KRTAP10-9: variants seen among roughly 807,000 people sequenced by gnomAD.
KRTAP10-9 encodes keratin-associated protein 10-9.
KRTAP10-9 carries 1 observed loss-of-function variant against 0.5 expected under a neutral mutation model. The observed-to-expected ratio is 1.92, with a 90% CI of 0.68 to 9.09. The LOEUF (loss-of-function observed/expected upper bound fraction) is 9.09. Among genes scored for constraint, KRTAP10-9 ranks in the 30% most tolerant of loss-of-function variants. The pLI is 0.13. For synonymous variants in KRTAP10-9, 199 were observed against 159.8 expected (o/e 1.25, Z -1.85); for missense variants, 391 against 376.4 (o/e 1.04, Z -0.32).
At chr21:44,627,590 G>GCTGTGTGCCCGTCTGCTGCAAAC (rs1982924601) in intron 1 of KRTAP10-9, 1 of 1,612,692 alleles carries the variant, frequency 6.2e-7, no homozygotes, top group Non-Finnish European at 8.5e-7. Context: ...CAGCCGGCCT[G>GCTGTGTGCCCGTCTGCTGCAAAC]CTGTGTGCCC....
chr21:44,628,323 AC>A lies in KRTAP10-9; in HGVS notation c.*278del. On this transcript the variant is annotated 3_prime_UTR_variant, in exon 1 of 1. Coordinates refer to ENST00000397911, the MANE Select transcript of KRTAP10-9 (RefSeq NM_198690.3). ...GACGGGCCCTCCTGACCCGGGTCTCACCCCCAGCAGCGTCACCCTCTGCCCC... is the reference window on the plus strand; with the variant it reads ...GACGGGCCCTCCTGACCCGGGTCTCACCCCAGCAGCGTCACCCTCTGCCCC... 2.7e-6 allele frequency: 1 copy of A among 367,926 alleles called. No individual in the cohort carries two copies. The highest frequency in any genetic ancestry group is 5.1e-6 in the Non-Finnish European group (1 of 195,188). 22.8% of individuals were successfully genotyped at this position (367,926 alleles called of 1,614,324 possible). A position where few individuals can be genotyped will look rare whatever the true frequency, so the allele number is the denominator to read the frequency against.
In KRTAP10-9 at chr21:44,627,497, G is replaced by C. The variant is rs781810515; in HGVS notation, c.326G>C (p.Cys109Ser). 2 of 1,538,938 alleles carry C rather than the reference G, an allele frequency of 1.3e-6. No individual in the cohort carries two copies. Among genetic ancestry groups the C allele is most frequent in the Non-Finnish European group, 1.8e-6 (2 of 1,141,870 alleles). ...GTGCCCGTCTGCTGCAAGCCTGTGT[G>C]CTGCGTGCCCGTCTGCTGTGGGGCT... ...CCVPVCCKPV[C>S]CVPVCCGASS... Residue 109 changes from cysteine (C) to serine (S), a missense_variant, in exon 1 of 1, where the codon TGC becomes TCC. By Grantham distance (112) the Cys-to-Ser change is moderately radical. Transcript: ENST00000397911.
Position 44,627,457 on chromosome 21 carries a change from C to G in KRTAP10-9, c.286C>G (p.Gln96Glu). Residue 96 changes from glutamine to glutamate, a missense_variant, in exon 1 of 1, where the codon CAG (glutamine) becomes GAG (glutamate). Physicochemically the swap from Gln to Glu is conservative, Grantham distance 29. Transcript: ENST00000397911. ...QPAYCTSSPC[Q>E]QACCVPVCCK... Reference sequence around the variant, plus strand: ...GGCTTACTGCACCTCCTCCCCCTGCCAGCAGGCCTGCTGCGTGCCCGTCTG... The same window carrying G: ...GGCTTACTGCACCTCCTCCCCCTGCGAGCAGGCCTGCTGCGTGCCCGTCTG... 1 of 1,608,658 alleles carries G rather than the reference C, an allele frequency of 6.2e-7. No individual in the cohort carries two copies. Among genetic ancestry groups the G allele is most frequent in the Non-Finnish European group, 8.5e-7 (1 of 1,177,186 alleles).
At position 44,627,369 on chromosome 21, in the gene KRTAP10-9, C is replaced by A. The variant is rs782794352; in HGVS notation, c.198C>A (p.Pro66=). Residue 66 remains proline (P), a synonymous_variant, in exon 1 of 1, where the codon CCC becomes CCA. Coordinates refer to ENST00000397911, the MANE Select transcript of KRTAP10-9 (RefSeq NM_198690.3). ...GCCAGGTGACCTGTGAGCCCAGCCC[C>A]TGCCAATCAGGCTGCACCAGCTCCT... The part of the protein sequence containing the change: ...PCCQVTCEPS[P]CQSGCTSSCT... 12 of 1,613,760 alleles carry A rather than the reference C, an allele frequency of 7.4e-6. No individual in the cohort carries two copies. The African/African-American group carries it at 1.5e-4, about 20-fold the overall frequency.
In KRTAP10-9 at chr21:44,627,788, C is replaced by T. The variant is rs782120545; in HGVS notation, c.617C>T (p.Ser206Phe). Residue 206 changes from serine to phenylalanine, a missense_variant, in exon 1 of 1, where the codon TCC (serine) becomes TTC (phenylalanine). By Grantham distance (155) the Ser-to-Phe change is radical. Transcript: ENST00000397911. ...TGTGTGCCTGTCTGCTCTGGGGCTT[C>T]CTCTTTGTGCTGCCAGCAGTCTGGC... ...ICCVPVCSGA[S>F]SLCCQQSGCQ... is the part of the protein sequence containing the mutation. 1 of 1,599,924 alleles carries T rather than the reference C, an allele frequency of 6.3e-7. No homozygotes were observed. Among genetic ancestry groups the T allele is most frequent in the Non-Finnish European group, 8.5e-7 (1 of 1,171,516 alleles).
chr21:44,628,180 G>C lies in KRTAP10-9; in HGVS notation c.*130G>C. ...GCCCCAGCCACAGCCGCCCAGCCCC[G>C]GGGTCTCAGATGCTCACTGGCTCCT... is the stretch of plus-strand genomic sequence containing the variant. On this transcript the variant is annotated 3_prime_UTR_variant, in exon 1 of 1. Coordinates refer to ENST00000397911, the MANE Select transcript of KRTAP10-9 (RefSeq NM_198690.3). 9 of 1,195,916 alleles carry C rather than the reference G, an allele frequency of 7.5e-6. No homozygotes were observed. The highest frequency in any genetic ancestry group is 1.1e-5 in the Non-Finnish European group (9 of 855,268). 74.1% of individuals were successfully genotyped at this position (1,195,916 alleles called of 1,614,324 possible).
chr21:44,627,696 C>G lies in KRTAP10-9; in HGVS notation c.525C>G (p.Ser175=). ...GCTGCCAGCCAGCTTGCTGCACTTCCTCCCCCTGCCAGCAGTCCTACTGTG... is the reference window on the plus strand; with the variant it reads ...GCTGCCAGCCAGCTTGCTGCACTTCGTCCCCCTGCCAGCAGTCCTACTGTG... ...QSSCQPACCT[S]SPCQQSYCVP... The change falls in exon 1 of 1, where the codon TCC becomes TCG. Residue 175 remains serine (S), a synonymous_variant. Transcript: ENST00000397911. 1 of 1,603,536 alleles carries G rather than the reference C, an allele frequency of 6.2e-7. No individual in the cohort carries two copies. Among genetic ancestry groups the G allele is most frequent in the African/African-American group, 1.3e-5 (1 of 74,678 alleles).
rs1214997764 is a variant in KRTAP10-9 at position 44,628,220 on chromosome 21, C to A, written c.*170C>A. The stretch of plus-strand genomic sequence containing the variant: ...CACTGGCTCCTCCCTGACCTCCCCC[C>A]CGGGCAGGCGAGCCCTGGCTTCTCC... On this transcript the variant is annotated 3_prime_UTR_variant, in exon 1 of 1. Coordinates refer to ENST00000397911, the MANE Select transcript of KRTAP10-9 (RefSeq NM_198690.3). 6.6e-6 allele frequency: 5 copies of A among 762,718 alleles called. No individual in the cohort carries two copies. The highest frequency in any genetic ancestry group is 3.0e-5 in the Admixed American group (1 of 33,092). The allele number at this position is 762,718 out of a possible 1,614,324, so 47.2% of individuals were successfully genotyped here. A position where few individuals can be genotyped will look rare whatever the true frequency, so the allele number is the denominator to read the frequency against.
chr21:44,627,369 C>G lies in KRTAP10-9; in HGVS notation c.198C>G (p.Pro66=), dbSNP rs782794352. 19 of 1,613,760 alleles carry G rather than the reference C, an allele frequency of 1.2e-5. No individual in the cohort carries two copies. In the Admixed American group the frequency reaches 1.3e-4, roughly 11 times the overall value. Residue 66 remains proline, a synonymous_variant, in exon 1 of 1, where the codon CCC becomes CCG. Coordinates refer to ENST00000397911, the MANE Select transcript of KRTAP10-9 (RefSeq NM_198690.3). ...GCCAGGTGACCTGTGAGCCCAGCCC[C>G]TGCCAATCAGGCTGCACCAGCTCCT... ...PCCQVTCEPS[P]CQSGCTSSCT...
Position 44,628,280 on chromosome 21 carries a change from C to T in KRTAP10-9, c.*230C>T, listed in dbSNP as rs181355860. 1.1e-5 allele frequency: 4 copies of T among 355,632 alleles called. No homozygotes were observed. The highest frequency in any genetic ancestry group is 6.5e-5 in the South Asian group (2 of 30,628). The allele number at this position is 355,632 out of a possible 1,614,324, so 22.0% of individuals were successfully genotyped here. A position where few individuals can be genotyped will look rare whatever the true frequency, so the allele number is the denominator to read the frequency against. On this transcript the variant is annotated 3_prime_UTR_variant, in exon 1 of 1. Transcript: ENST00000397911. ...TTCCTGGCTGCAGACCACAACCCTCCGCTGGTCGCTGGTTGGGGACGGGCC... is the reference window on the plus strand; with the variant it reads ...TTCCTGGCTGCAGACCACAACCCTCTGCTGGTCGCTGGTTGGGGACGGGCC...
Position 44,628,007 on chromosome 21 carries a change from C to A in KRTAP10-9, c.836C>A (p.Pro279Gln). ...CTCTGCCGCCCTGTGTGCTCCCGCCCGGCCTGCTACAGCTTCTCCTCAGGC... is the reference window on the plus strand; with the variant it reads ...CTCTGCCGCCCTGTGTGCTCCCGCCAGGCCTGCTACAGCTTCTCCTCAGGC... ...SLLCRPVCSRPACYSFSSGQK... is the reference protein window; with the variant it reads ...SLLCRPVCSRQACYSFSSGQK... The change falls in exon 1 of 1, where the codon CCG becomes CAG. Residue 279 changes from proline (P) to glutamine (Q), a missense_variant. Physicochemically the swap from Pro to Gln is moderately conservative, Grantham distance 76. Transcript: ENST00000397911. The A allele has an allele frequency of 6.2e-7, 1 of 1,611,172 alleles. No homozygotes were observed. The highest frequency in any genetic ancestry group is 8.5e-7 in the Non-Finnish European group (1 of 1,178,012).
rs450639 is a variant in KRTAP10-9 at position 44,628,348 on chromosome 21, C to T, written c.*298C>T. ...ACCCCCAGCAGCGTCACCCTCTGCC[C>T]CTGAGCACCAATAAAGCGTCTGCGG... On this transcript the variant is annotated 3_prime_UTR_variant, in exon 1 of 1. Coordinates refer to ENST00000397911, the MANE Select transcript of KRTAP10-9 (RefSeq NM_198690.3). 0.54 allele frequency: 164,641 copies of T among 306,488 alleles called. 48,192 individuals are homozygous for T. The highest frequency in any genetic ancestry group is 0.59 in the Admixed American group (9,852 of 16,592). The allele number at this position is 306,488 out of a possible 1,614,324, so 19.0% of individuals were successfully genotyped here.
Position 44,628,158 on chromosome 21 carries a change from C to A in KRTAP10-9, c.*108C>A, listed in dbSNP as rs1237216299. ...ACAGCTCAACACAGAAGGAGCAGCC[C>A]CAGCCACAGCCGCCCAGCCCCGGGG... On this transcript the variant is annotated 3_prime_UTR_variant, in exon 1 of 1. Coordinates refer to ENST00000397911, the MANE Select transcript of KRTAP10-9 (RefSeq NM_198690.3). 9.2e-5 allele frequency: 125 copies of A among 1,357,828 alleles called. 1 individual carries two copies. Among genetic ancestry groups the A allele is most frequent in the Non-Finnish European group, 2.3e-5 (23 of 991,034 alleles). The allele number at this position is 1,357,828 out of a possible 1,614,324, so 84.1% of individuals were successfully genotyped here.
In KRTAP10-9 at chr21:44,627,495, GTGCTGCGTGCCCGTC is replaced by G; in HGVS notation, c.330_344del (p.Val111_Cys115del). 6.5e-7 allele frequency: 1 copy of G among 1,531,832 alleles called. No individual in the cohort carries two copies. The highest frequency in any genetic ancestry group is 1.2e-5 in the South Asian group (1 of 80,088). 94.9% of individuals were successfully genotyped at this position (1,531,832 alleles called of 1,614,324 possible). On this transcript the variant is annotated inframe_deletion, in exon 1 of 1. Transcript: ENST00000397911. ...GCGTGCCCGTCTGCTGCAAGCCTGT[GTGCTGCGTGCCCGTC>G]TGCTGTGGGGCTTCTTCGTGCTGCC...
chr21:44,627,150 C>G lies in KRTAP10-9; in HGVS notation c.-22C>G. ...ACACACTCACTTACACCTCCCCCAG[C>G]TCACCTCCTCCCCACCCCAGCATGG... On this transcript the variant is annotated 5_prime_UTR_variant, in exon 1 of 1. Transcript: ENST00000397911. The G allele has an allele frequency of 6.2e-7, 1 of 1,604,978 alleles. No homozygotes were observed. The highest frequency in any genetic ancestry group is 8.5e-7 in the Non-Finnish European group (1 of 1,175,608).
In KRTAP10-9 at chr21:44,627,206, C is replaced by T. The variant is rs1555934556; in HGVS notation, c.35C>T (p.Ala12Val). ...AASTMSIRSSAYSDSWQVDDC... is the reference protein window; with the variant it reads ...AASTMSIRSSVYSDSWQVDDC... The stretch of plus-strand genomic sequence containing the variant: ...TCCACCATGTCCATCCGCTCCAGCG[C>T]TTACTCCGACTCCTGGCAGGTGGAC... Residue 12 changes from alanine (A) to valine (V), a missense_variant, in exon 1 of 1, where the codon GCT becomes GTT. By Grantham distance (64) the Ala-to-Val change is moderately conservative (BLOSUM62 0). Coordinates refer to ENST00000397911, the MANE Select transcript of KRTAP10-9 (RefSeq NM_198690.3). The T allele has an allele frequency of 2.5e-6, 4 of 1,613,032 alleles. No individual in the cohort carries two copies. Among genetic ancestry groups the T allele is most frequent in the Non-Finnish European group, 3.4e-6 (4 of 1,179,978 alleles).
In KRTAP10-9 at chr21:44,627,886, T is replaced by C; in HGVS notation, c.715T>C (p.Cys239Arg). 1 of 1,613,090 alleles carries C rather than the reference T, an allele frequency of 6.2e-7. No homozygotes were observed. Among genetic ancestry groups the C allele is most frequent in the South Asian group, 1.1e-5 (1 of 91,028 alleles). The stretch of plus-strand genomic sequence containing the variant: ...TGTGTCCCTCCTCTGCCGCCCTGTG[T>C]GCAGGCCCGCCTGCTGCGTGCCCGT... Reference protein sequence around the residue: ...SSVSLLCRPVCRPACCVPVSS... With the variant: ...SSVSLLCRPVRRPACCVPVSS... Residue 239 changes from cysteine (C) to arginine (R), a missense_variant, in exon 1 of 1, where the codon TGC (cysteine) becomes CGC (arginine). Transcript: ENST00000397911.
Position 44,627,531 on chromosome 21 carries a change from C to T in KRTAP10-9, c.360C>T (p.Cys120=), listed in dbSNP as rs587615920. ...CCGTCTGCTGTGGGGCTTCTTCGTG[C>T]TGCCAACAGTCTAGCTACCAGCCAG... ...CVPVCCGASS[C]CQQSSYQPAC... The change falls in exon 1 of 1, where the codon TGC becomes TGT. Residue 120 remains cysteine, a synonymous_variant. Transcript: ENST00000397911. The T allele has an allele frequency of 3.9e-6, 6 of 1,536,944 alleles. No individual in the cohort carries two copies. The East Asian group carries it at 1.4e-4, about 36-fold the overall frequency.
Position 44,627,302 on chromosome 21 carries a change from C to T in KRTAP10-9, c.131C>T (p.Thr44Ile). ...TSCCAPAPCL[T>I]LVCTPVSRVS... Reference sequence around the variant, plus strand: ...TGCTGCGCCCCGGCCCCCTGCCTGACCCTGGTCTGCACCCCAGTGAGCCGT... The same window carrying T: ...TGCTGCGCCCCGGCCCCCTGCCTGATCCTGGTCTGCACCCCAGTGAGCCGT... The change falls in exon 1 of 1, where the codon ACC becomes ATC. Residue 44 changes from threonine (T) to isoleucine (I), a missense_variant. Physicochemically the swap from Thr to Ile is moderately conservative, Grantham distance 89. Coordinates refer to ENST00000397911, the MANE Select transcript of KRTAP10-9 (RefSeq NM_198690.3). The T allele has an allele frequency of 6.2e-7, 1 of 1,612,754 alleles. No individual in the cohort carries two copies.
Sources: gnomAD v4.1 joint callset for allele counts on GRCh38, gnomAD v4.1.1 for gene constraint, MANE v1.5 for transcripts, NCBI Gene and HGNC (gene_info 2026-07-23, HGNC 2026-07-21) for gene names.